RBFOX1: variants seen among roughly 807,000 people sequenced by gnomAD.
RBFOX1 encodes RNA binding fox-1 homolog 1.
Under a neutral mutation model 57.7 loss-of-function variants are expected in RBFOX1, and 8 were observed. The observed-to-expected ratio is 0.14, with a 90% CI of 0.08 to 0.25. RBFOX1 has a LOEUF of 0.25. RBFOX1 is among the 10% of genes least tolerant of loss of function. RBFOX1 has a pLI of 1.00. For synonymous variants in RBFOX1, 326 were observed against 222.4 expected, an observed-to-expected ratio of 1.47 and a Z score of -4.15; for missense variants, 611 against 548.5, an observed-to-expected ratio of 1.11 and a Z score of -1.14.
intron 3 of RBFOX1, among the ~76,000 whole-genome samples, chr16:6,901,633 TC>T (rs2068521173): frequency 6.6e-6 from 1 of 152,208 alleles, no homozygotes. Flanking sequence ...AAAATCTGTT[TC>T]TGGTAACCTT....
chr16:7,565,135 C>T (rs577070356), intron 5 of RBFOX1, among the ~76,000 whole-genome samples: 9 of 152,280 alleles, frequency 5.9e-5, no homozygotes, highest in Non-Finnish European at 1.0e-4. Flanking sequence ...GGTTTTAGTT[C>T]ACATTCCCTG....
chr16:7,012,700 G>T (rs1447484707), intron 3 of RBFOX1, among the ~76,000 whole-genome samples: 1 of 152,158 alleles, frequency 6.6e-6, no homozygotes, highest in East Asian at 1.9e-4. Context: ...GCAAAGGGAG[G>T]CCAGAGTGAC....
At chr16:7,390,759 A>T (rs55663117) in intron 4 of RBFOX1, among the ~76,000 whole-genome samples, 1 of 152,182 alleles carries the variant, frequency 6.6e-6, no homozygotes, top group Admixed American at 6.5e-5. Context: ...GTTTTTTTCA[A>T]TAGGACAGAA....
intron 2 of RBFOX1, among the ~76,000 whole-genome samples, chr16:6,553,442 G>A (rs755866626): frequency 2.0e-5 from 3 of 152,130 alleles, no homozygotes; most frequent in Non-Finnish European, 4.4e-5. Flanking sequence ...TTAGCTAATC[G>A]ATAATTGGCA....
intron 3 of RBFOX1, among the ~76,000 whole-genome samples, chr16:5,746,547 G>C (rs1056893912): frequency 3.3e-5 from 5 of 152,174 alleles, no homozygotes; most frequent in African/African-American, 1.2e-4. Context: ...CCATCTTCAC[G>C]ATATTGGTTC....
intron 1 of RBFOX1, among the ~76,000 whole-genome samples, chr16:6,046,484 C>T (rs925920690): frequency 2.0e-5 from 3 of 152,112 alleles, no homozygotes; most frequent in South Asian, 2.1e-4. Context: ...AATGTATACT[C>T]GAGTCTAGAG....
At chr16:6,966,412 C>T (rs1289130744) in intron 3 of RBFOX1, among the ~76,000 whole-genome samples, 1 of 152,066 alleles carries the variant, frequency 6.6e-6, no homozygotes, top group Non-Finnish European at 1.5e-5. Context: ...GTACATGACC[C>T]TGGGGGGTCT....
chr16:7,256,664 C>G (rs761018888), intron 4 of RBFOX1, among the ~76,000 whole-genome samples: 5 of 152,172 alleles, frequency 3.3e-5, no homozygotes, highest in African/African-American at 1.2e-4. Flanking sequence ...AACTAAGAAT[C>G]CATTTCCACC....
intron 1 of RBFOX1, among the ~76,000 whole-genome samples, chr16:6,270,231 A>C (rs772391536): frequency 6.6e-6 from 1 of 152,168 alleles, no homozygotes; most frequent in Non-Finnish European, 1.5e-5. Context: ...AAGCACTAAC[A>C]TACCAATAAT....
intron 3 of RBFOX1, among the ~76,000 whole-genome samples, chr16:6,790,229 G>A (rs1215770285): frequency 1.4e-5 from 2 of 146,950 alleles, no homozygotes; most frequent in African/African-American, 2.5e-5. Context: ...CTGTCAGCCA[G>A]GCTGGAATGC....
intron 3 of RBFOX1, among the ~76,000 whole-genome samples, chr16:6,848,138 C>G (rs1315433302): frequency 1.3e-5 from 2 of 151,998 alleles, no homozygotes; most frequent in Non-Finnish European, 2.9e-5. Flanking sequence ...CGATCCAAGA[C>G]TGTCTAATGC....
chr16:5,252,642 GTCT>G (rs1369626781), intron 1 of RBFOX1, among the ~76,000 whole-genome samples: 1 of 152,232 alleles, frequency 6.6e-6, no homozygotes, highest in African/African-American at 2.4e-5. Flanking sequence ...GCCTGCTCCT[GTCT>G]TCTTCACGGG....
Position 6,235,806 on chromosome 16 carries a change from C to T in RBFOX1, c.-126-81189C>T, listed in dbSNP as rs112245503. On this transcript the variant is annotated intron_variant, in intron 1 of 15. Coordinates refer to ENST00000550418, the MANE Select transcript of RBFOX1 (RefSeq NM_018723.4). ...CTCACGCATAGTGGGAGCTAAGCTA[C>T]GAGGATGCAAAGGCACAAGAATGAT... Among the ~76,000 whole-genome samples the T allele has an allele frequency of 1.4e-3, 213 of 151,904 alleles. 2 individuals are homozygous for T. Among genetic ancestry groups the T allele is most frequent in the South Asian group, 4.6e-3 (22 of 4,818 alleles).
intron 3 of RBFOX1, among the ~76,000 whole-genome samples, chr16:6,881,695 C>G (rs1386101384): frequency 6.6e-6 from 1 of 152,152 alleles, no homozygotes; most frequent in Non-Finnish European, 1.5e-5. Flanking sequence ...ACTTCAACGT[C>G]TTAACGTTGA....
intron 2 of RBFOX1, among the ~76,000 whole-genome samples, chr16:6,517,915 G>C (rs1477281656): frequency 2.6e-5 from 4 of 152,190 alleles, no homozygotes; most frequent in Non-Finnish European, 5.9e-5. Context: ...ATGATAATGA[G>C]ATGTCGATAG....
intron 3 of RBFOX1, among the ~76,000 whole-genome samples, chr16:6,690,917 C>G (rs557688867): frequency 7.9e-5 from 12 of 151,988 alleles, no homozygotes; most frequent in African/African-American, 2.2e-4. Flanking sequence ...TTCATTTTCA[C>G]CTCCGGCTAA....
rs554299731 is a variant in RBFOX1, at chr16:6,097,727, A to T, written c.-127+77735A>T. On this transcript the variant is annotated intron_variant, in intron 1 of 15. Transcript: ENST00000550418. This position sits in a 1 kb window ranked among gnomAD's most constrained non-coding sequence, Gnocchi z 5.0. The stretch of plus-strand genomic sequence containing the variant: ...AGCCCATAGACTCAACTCCTGTGCT[A>T]TACTGCCTCTGTGTCTTTGGTCTGT... Among the ~76,000 whole-genome samples the T allele has an allele frequency of 6.6e-6, 1 of 151,502 alleles. No individual in the cohort carries two copies. Among genetic ancestry groups the T allele is most frequent in the Admixed American group, 6.6e-5 (1 of 15,208 alleles).
chr16:5,252,160 G>A (rs969973068), intron 1 of RBFOX1, among the ~76,000 whole-genome samples: 17 of 152,194 alleles, frequency 1.1e-4, no homozygotes, highest in Non-Finnish European at 2.2e-4. Context: ...AGTGTGGAAG[G>A]GTGGGGACCC....
chr16:6,596,912 C>G (rs1365316631), intron 2 of RBFOX1, among the ~76,000 whole-genome samples: 1 of 152,176 alleles, frequency 6.6e-6, no homozygotes, highest in Non-Finnish European at 1.5e-5. Flanking sequence ...TTGATACATT[C>G]ATACACACAC....
Sources: gnomAD v4.1 joint callset for allele counts (sites outside exome capture counted in the v4.1 genomes callset) on GRCh38, gnomAD v4.1.1 for gene constraint, Gnocchi (gnomAD v3.1) non-coding constraint, MANE v1.5 for transcripts, NCBI Gene and HGNC (gene_info 2026-07-23, HGNC 2026-07-21) for gene names.